ITPK1: variants seen among roughly 807,000 people sequenced by gnomAD.
ITPK1 encodes inositol-tetrakisphosphate 1-kinase.
ITPK1 carries 21 observed loss-of-function variants against 45.3 expected under a neutral mutation model. That is an observed-to-expected ratio of 0.46 (90% confidence interval 0.33 to 0.67). The LOEUF (loss-of-function observed/expected upper bound fraction) is 0.67. Among genes scored for constraint, ITPK1 ranks in the 30% least tolerant of loss-of-function variants. The pLI is 0.02. For missense variants in ITPK1, 474 were observed against 573.5 expected, an observed-to-expected ratio of 0.83 and a Z score of 1.77; for synonymous variants, 258 against 253.6, an observed-to-expected ratio of 1.02 and a Z score of -0.16.
rs182685282 is a variant in ITPK1 at position 92,939,404 on chromosome 14, C to T, written c.*2157G>A. On this transcript the variant is annotated 3_prime_UTR_variant, in exon 11 of 11. Coordinates refer to ENST00000267615, the MANE Select transcript of ITPK1 (RefSeq NM_014216.6). ...CTGCCGCTCCCAGGTGCGGGTCCCGCGTCGCTGTCCAGGCCCCTCATTGCT... is the reference window on the plus strand; with the variant it reads ...CTGCCGCTCCCAGGTGCGGGTCCCGTGTCGCTGTCCAGGCCCCTCATTGCT... The T allele has an allele frequency of 6.4e-4, 98 of 152,734 alleles. No homozygotes were observed. Among genetic ancestry groups the T allele is most frequent in the Non-Finnish European group, 1.2e-3 (83 of 68,402 alleles). 9.5% of individuals were successfully genotyped at this position (152,734 alleles called of 1,614,324 possible).
intron 8 of ITPK1, among the ~76,000 whole-genome samples, chr14:92,957,217 C>T (rs1411857113): frequency 6.6e-6 from 1 of 152,200 alleles, no homozygotes; most frequent in Non-Finnish European, 1.5e-5. Context: ...AAACAGCCGG[C>T]GTCTGAACGC....
At chr14:92,986,393 G>A (rs1451717995) in intron 5 of ITPK1, among the ~76,000 whole-genome samples, 1 of 152,212 alleles carries the variant, frequency 6.6e-6, no homozygotes, top group Non-Finnish European at 1.5e-5. Flanking sequence ...GAGGGAGTTA[G>A]TCAACACAGC....
chr14:93,110,097 G>A (rs1364044333), intron 2 of ITPK1, among the ~76,000 whole-genome samples: 1 of 152,168 alleles, frequency 6.6e-6, no homozygotes, highest in Non-Finnish European at 1.5e-5. Flanking sequence ...TAGGGAATGT[G>A]TCGAGGGTCA....
intron 4 of ITPK1, among the ~76,000 whole-genome samples, chr14:92,998,640 C>T (rs1024212225): frequency 6.6e-6 from 1 of 152,182 alleles, no homozygotes; most frequent in African/African-American, 2.4e-5. Flanking sequence ...GCGGCATTCT[C>T]TCTTCTCAAA....
At chr14:92,986,520 T>C (rs905977209) in intron 5 of ITPK1, among the ~76,000 whole-genome samples, 8 of 152,118 alleles carry the variant, frequency 5.3e-5, no homozygotes, top group Non-Finnish European at 7.4e-5. Context: ...GCTGATGTCA[T>C]TGGGAGAGTA....
intron 8 of ITPK1, among the ~76,000 whole-genome samples, chr14:92,957,301 T>C (rs943383673): frequency 6.6e-5 from 10 of 152,174 alleles, no homozygotes; most frequent in Admixed American, 6.5e-5. Flanking sequence ...GGGCAGTGAG[T>C]GTTCTCCAAA....
At chr14:92,962,604 G>C (rs1309773281) in intron 6 of ITPK1, 147 bp downstream of exon 6, 2 of 762,340 alleles carry the variant, frequency 2.6e-6, no homozygotes, top group Non-Finnish European at 4.7e-6. Context: ...CGTTTCTATG[G>C]TGTGGGTGGA....
intron 4 of ITPK1, among the ~76,000 whole-genome samples, chr14:93,005,618 GGGACCA>G (rs1347718973): frequency 1.3e-5 from 2 of 152,214 alleles, no homozygotes; most frequent in Admixed American, 6.5e-5. Context: ...GTGGTGGAAA[GGGACCA>G]GTCCTTGGTT....
intron 5 of ITPK1, among the ~76,000 whole-genome samples, chr14:92,967,395 T>G (rs1885432622): frequency 6.6e-6 from 1 of 152,050 alleles, no homozygotes; most frequent in Non-Finnish European, 1.5e-5. Context: ...ATGACTATAA[T>G]AAAAGAGACC....
chr14:93,102,635 G>A (rs1892366218), intron 2 of ITPK1, among the ~76,000 whole-genome samples: 1 of 152,030 alleles, frequency 6.6e-6, no homozygotes, highest in African/African-American at 2.4e-5. Flanking sequence ...CAACCTGGAT[G>A]ACAGAGCAAG....
chr14:93,088,403 G>A (rs1253621670), intron 2 of ITPK1, among the ~76,000 whole-genome samples: 4 of 143,852 alleles, frequency 2.8e-5, no homozygotes, highest in Non-Finnish European at 4.5e-5. Context: ...GCAGTGACAC[G>A]ATTTCGGCTC....
intron 4 of ITPK1, among the ~76,000 whole-genome samples, chr14:92,994,199 A>C (rs565489970): frequency 6.6e-5 from 10 of 152,336 alleles, no homozygotes; most frequent in Admixed American, 3.3e-4. Flanking sequence ...CAAACTCAGA[A>C]ATAGAGCACC....
At position 93,016,049 on chromosome 14, in the gene ITPK1, T is replaced by G. The variant is rs116016201; in HGVS notation, c.246+627A>C. ...CGCTTTCTAGAGGACAGAATCACGT[T>G]CTTGTCCACAACAGAGAGAACACAG... On this transcript the variant is annotated intron_variant, in intron 4 of 10. Transcript: ENST00000267615. This position sits in a 1 kb window ranked among gnomAD's most constrained non-coding sequence, Gnocchi z 5.0. Among the ~76,000 whole-genome samples the G allele has an allele frequency of 0.015, 2,337 of 152,264 alleles. 62 individuals are homozygous for G. Among genetic ancestry groups the G allele is most frequent in the African/African-American group, 0.053 (2,215 of 41,522 alleles).
At chr14:92,966,101 A>T (rs1473044447) in intron 5 of ITPK1, among the ~76,000 whole-genome samples, 4 of 152,238 alleles carry the variant, frequency 2.6e-5, no homozygotes, top group African/African-American at 4.8e-5. Context: ...CTGTAGCCTC[A>T]AACTCCCAGG....
intron 5 of ITPK1, among the ~76,000 whole-genome samples, chr14:92,966,190 C>T (rs1885345752): frequency 1.3e-5 from 2 of 151,910 alleles, no homozygotes; most frequent in South Asian, 2.1e-4. Context: ...GGGGGTCTCA[C>T]TATGTTGCCC....
chr14:93,103,099 C>CAAAA (rs71123389), intron 2 of ITPK1, among the ~76,000 whole-genome samples: 42 of 68,462 alleles, frequency 6.1e-4, no homozygotes, highest in African/African-American at 8.4e-4. Flanking sequence ...GACTCCATCT[C>CAAAA]AAAAAAAAAA....
chr14:93,049,143 T>C (rs1471309963), intron 3 of ITPK1, among the ~76,000 whole-genome samples: 1 of 152,106 alleles, frequency 6.6e-6, no homozygotes, highest in Non-Finnish European at 1.5e-5. Flanking sequence ...ACTTTGCAGA[T>C]ATTAATGATA....
chr14:92,996,530 A>T (rs1887067010), intron 4 of ITPK1, among the ~76,000 whole-genome samples: 1 of 151,954 alleles, frequency 6.6e-6, no homozygotes, highest in South Asian at 2.1e-4. Flanking sequence ...ATGTATACAT[A>T]GGTAACAAAC....
chr14:92,988,691 C>T (rs1224395943), intron 5 of ITPK1, among the ~76,000 whole-genome samples: 1 of 152,184 alleles, frequency 6.6e-6, no homozygotes, highest in Non-Finnish European at 1.5e-5. Context: ...GAACCACTGG[C>T]TAAGAGCAGA....
Sources: gnomAD v4.1 joint callset for allele counts (sites outside exome capture counted in the v4.1 genomes callset) on GRCh38, gnomAD v4.1.1 for gene constraint, Gnocchi (gnomAD v3.1) non-coding constraint, MANE v1.5 for transcripts, NCBI Gene and HGNC (gene_info 2026-07-23, HGNC 2026-07-21) for gene names.